PRKG1: variants seen among roughly 807,000 people sequenced by gnomAD.
The protein encoded by PRKG1 is cGMP-dependent protein kinase 1.
A neutral mutation model predicts 88.1 loss-of-function variants in PRKG1; 35 were observed. The observed-to-expected ratio is 0.40, with a 90% CI of 0.30 to 0.53. PRKG1 has a LOEUF of 0.53. Ranked by LOEUF, PRKG1 falls within the 20% of genes least tolerant of loss-of-function variation. The pLI is 0.59. For synonymous variants in PRKG1, 303 were observed against 292.5 expected, an observed-to-expected ratio of 1.04 and a Z score of -0.37; for missense variants, 540 against 839.8, an observed-to-expected ratio of 0.64 and a Z score of 4.41.
chr10:52,292,633 G>T (rs1441769586), intron 17 of PRKG1, among the ~76,000 whole-genome samples: 1 of 151,906 alleles, frequency 6.6e-6, no homozygotes, highest in Non-Finnish European at 1.5e-5. Context: ...TCTCTGTTTT[G>T]GTACCAGTAC....
At position 51,737,346 on chromosome 10, in the gene PRKG1, T is replaced by G. The variant is rs113213790; in HGVS notation, c.593-67239T>G. 5.4e-3 allele frequency among the ~76,000 whole-genome samples: 816 copies of G among 152,342 alleles called. 8 individuals carry two copies. The highest frequency in any genetic ancestry group is 0.017 in the Middle Eastern group (5 of 294). On this transcript the variant is annotated intron_variant, in intron 3 of 17. Transcript: ENST00000373980. ...TGATTCTAAAGAGCGTGTCTCTGCT[T>G]CTTCTTGTTCTTTCAACCCATCCTT... is the stretch of plus-strand genomic sequence containing the variant.
At chr10:51,533,348 T>C (rs1334688867) in intron 3 of PRKG1, among the ~76,000 whole-genome samples, 1 of 152,228 alleles carries the variant, frequency 6.6e-6, no homozygotes, top group Admixed American at 6.5e-5. Flanking sequence ...CTCTATTTGG[T>C]AGATGAAGCA....
At chr10:51,091,278 G>A (rs139078531) in intron 1 of PRKG1, among the ~76,000 whole-genome samples, 1 of 152,120 alleles carries the variant, frequency 6.6e-6, no homozygotes, top group African/African-American at 2.4e-5. Context: ...AAAATACAAG[G>A]TTTTTCACTA....
intron 1 of PRKG1, among the ~76,000 whole-genome samples, chr10:51,032,588 G>A (rs1008044325): frequency 2.0e-5 from 3 of 151,932 alleles, no homozygotes; most frequent in Admixed American, 6.6e-5. Flanking sequence ...GCAAAACCCC[G>A]TCTCTACTAA....
intron 3 of PRKG1, among the ~76,000 whole-genome samples, chr10:51,733,122 T>A (rs1373050852): frequency 6.6e-6 from 1 of 152,100 alleles, no homozygotes; most frequent in Non-Finnish European, 1.5e-5. Flanking sequence ...AAAACACTAA[T>A]CCCATCATAA....
At chr10:51,987,931 A>G (rs1844205762) in intron 5 of PRKG1, among the ~76,000 whole-genome samples, 1 of 152,132 alleles carries the variant, frequency 6.6e-6, no homozygotes, top group Non-Finnish European at 1.5e-5. Context: ...AAAAACACTA[A>G]TTATACCTCA....
chr10:51,823,755 A>G (rs1159487976), intron 4 of PRKG1, among the ~76,000 whole-genome samples: 1 of 151,746 alleles, frequency 6.6e-6, no homozygotes, highest in Non-Finnish European at 1.5e-5. Flanking sequence ...AAACTATGGT[A>G]GTATTCCATA....
chr10:51,392,385 C>G (rs967437253), intron 2 of PRKG1, among the ~76,000 whole-genome samples: 1 of 152,002 alleles, frequency 6.6e-6, no homozygotes, highest in Non-Finnish European at 1.5e-5. Flanking sequence ...CATCTTGCAC[C>G]GCCCTTAATC....
intron 5 of PRKG1, among the ~76,000 whole-genome samples, chr10:51,914,416 A>G (rs1369240402): frequency 5.9e-5 from 9 of 152,164 alleles, no homozygotes. Flanking sequence ...TACCTTGAGG[A>G]AAACCGAACT....
At chr10:52,092,801 G>A (rs548475360) in intron 7 of PRKG1, among the ~76,000 whole-genome samples, 1 of 152,314 alleles carries the variant, frequency 6.6e-6, no homozygotes, top group East Asian at 1.9e-4. Context: ...CCATTGGGAA[G>A]ATTGTTAAGA....
At chr10:51,234,726 A>AT (rs1037312028) in intron 2 of PRKG1, among the ~76,000 whole-genome samples, 4 of 152,134 alleles carry the variant, frequency 2.6e-5, no homozygotes, top group South Asian at 4.1e-4. Context: ...CTTTTTTTGT[A>AT]TTTTTTTCCT....
At chr10:51,215,274 T>A (rs2132080432) in intron 2 of PRKG1, among the ~76,000 whole-genome samples, 1 of 152,350 alleles carries the variant, frequency 6.6e-6, no homozygotes, top group Middle Eastern at 3.4e-3. Flanking sequence ...TTTTAATAAT[T>A]GAAAAATAAG....
intron 2 of PRKG1, among the ~76,000 whole-genome samples, chr10:51,218,082 C>T (rs1357038465): frequency 1.3e-5 from 2 of 151,950 alleles, no homozygotes; most frequent in African/African-American, 4.8e-5. Context: ...ATACTTATGT[C>T]GTTAACTGTT....
At chr10:52,081,693 C>T (rs777159888) in intron 7 of PRKG1, 29 of 456,332 alleles carry the variant, frequency 6.4e-5, no homozygotes, top group African/African-American at 2.6e-4. Flanking sequence ...TAGAAGATGA[C>T]GAGAGCTCAG....
chr10:52,117,200 G>GTGTGTGTGTGTA (rs1001796873), intron 7 of PRKG1, among the ~76,000 whole-genome samples: 5 of 146,740 alleles, frequency 3.4e-5, no homozygotes, highest in African/African-American at 1.3e-4. Context: ...GTGTGTGTGT[G>GTGTGTGTGTGTA]TATGATTGGT....
chr10:51,505,594 C>T (rs1841174664), intron 3 of PRKG1, among the ~76,000 whole-genome samples: 1 of 152,130 alleles, frequency 6.6e-6, no homozygotes, highest in African/African-American at 2.4e-5. Context: ...ATGAATCCAT[C>T]TGGTCCTGGA....
At chr10:51,596,474 C>CTTGAT (rs760775295) in intron 3 of PRKG1, among the ~76,000 whole-genome samples, 1 of 152,132 alleles carries the variant, frequency 6.6e-6, no homozygotes, top group Non-Finnish European at 1.5e-5. Flanking sequence ...ATTAAGTTAG[C>CTTGAT]TTGATGGCCT....
chr10:52,074,538 G>C (rs1293797894), intron 7 of PRKG1, among the ~76,000 whole-genome samples: 1 of 152,126 alleles, frequency 6.6e-6, no homozygotes, highest in Non-Finnish European at 1.5e-5. Flanking sequence ...ATGTAAATTT[G>C]AAAATCGCTT....
intron 3 of PRKG1, among the ~76,000 whole-genome samples, chr10:51,781,281 A>T (rs1413116062): frequency 1.3e-5 from 2 of 152,130 alleles, no homozygotes; most frequent in South Asian, 2.1e-4. Context: ...TTGGGTCTGC[A>T]TGTGTATTTA....
Sources: allele counts gnomAD v4.1 joint callset (sites outside exome capture counted in the v4.1 genomes callset), GRCh38; gene constraint gnomAD v4.1.1; transcripts MANE v1.5; gene names NCBI Gene and HGNC (gene_info 2026-07-23, HGNC 2026-07-21).